The following FCHO2 variants were observed in gnomAD, a reference collection of about 807,000 sequenced individuals.
FCHO2 encodes the protein F-BAR domain only protein 2.
In FCHO2, 43 loss-of-function variants were observed where a neutral mutation model predicts 114.1. That is an observed-to-expected ratio of 0.38 (90% CI 0.30 to 0.49). The LOEUF (loss-of-function observed/expected upper bound fraction) is 0.49. FCHO2 is among the 20% of genes least tolerant of loss of function. The probability of loss-of-function intolerance (pLI) is 0.97; values close to 1 mark genes in which losing one functional copy is unlikely to be tolerated. For missense variants in FCHO2, 807 were observed against 950.4 expected (o/e 0.85, Z 1.98); for synonymous variants, 293 against 315.2 (o/e 0.93, Z 0.75).
In FCHO2 at chr5:73,027,327, A is replaced by G. The variant is rs559665408; in HGVS notation, c.797-7330A>G. On this transcript the variant is annotated intron_variant, in intron 8 of 25. Transcript: ENST00000430046. ...AAAAGTTCAGCAGGTTTCCATTTAT[A>G]TATATACATATAGTGACTATTTTCT... Among the ~76,000 whole-genome samples, 6 of 149,448 alleles carry G rather than the reference A, an allele frequency of 4.0e-5. No individual in the cohort carries two copies. In the South Asian group the frequency reaches 1.0e-3, roughly 26 times the overall value.
At chr5:72,983,444 G>A (rs1753338598) in intron 2 of FCHO2, among the ~76,000 whole-genome samples, 1 of 151,548 alleles carries the variant, frequency 6.6e-6, no homozygotes, top group African/African-American at 2.4e-5. Flanking sequence ...GTGCAGTGCA[G>A]CCTCCACGTC....
intron 13 of FCHO2, among the ~76,000 whole-genome samples, chr5:73,053,271 C>T (rs911465823): frequency 6.6e-6 from 1 of 152,152 alleles, no homozygotes; most frequent in African/African-American, 2.4e-5. Flanking sequence ...GGTTTTCTCC[C>T]AGTCATGTAC....
intron 8 of FCHO2, among the ~76,000 whole-genome samples, chr5:73,030,882 G>C (rs1285939176): frequency 6.6e-6 from 1 of 152,200 alleles, no homozygotes; most frequent in Non-Finnish European, 1.5e-5. Flanking sequence ...ACATACTCCT[G>C]AAGTGAAGTG....
chr5:73,084,974 G>A (rs1254543438), intron 24 of FCHO2, among the ~76,000 whole-genome samples: 1 of 152,186 alleles, frequency 6.6e-6, no homozygotes, highest in Non-Finnish European at 1.5e-5. Context: ...AACCAGTTTA[G>A]AAGGACAAAA....
intron 11 of FCHO2, among the ~76,000 whole-genome samples, chr5:73,041,899 TAGAC>T: frequency 6.6e-6 from 1 of 152,242 alleles, no homozygotes; most frequent in South Asian, 2.1e-4. Flanking sequence ...AAGTAATGTG[TAGAC>T]AGACATATTT....
At chr5:73,065,861 A>G (rs756267785) in intron 18 of FCHO2, among the ~76,000 whole-genome samples, 1 of 151,924 alleles carries the variant, frequency 6.6e-6, no homozygotes, top group African/African-American at 2.4e-5. Flanking sequence ...ATTGTACCCA[A>G]CAGGTAATTT....
chr5:73,081,639 A>G (rs780741879), intron 22 of FCHO2, 144 bp from the exon 23 acceptor site: 3 of 491,420 alleles, frequency 6.1e-6, no homozygotes, highest in Non-Finnish European at 1.0e-5. Context: ...CCTTTGAGAT[A>G]GGTCTGCTTC....
At position 73,051,359 on chromosome 5, in the gene FCHO2, A is replaced by C; in HGVS notation, c.950A>C (p.Asp317Ala). Reference protein sequence around the residue: ...CPDADSLNIPDVDEEGYSIKP... With the variant: ...CPDADSLNIPAVDEEGYSIKP... ...TTCTTTTTCCCTTAGAACATTCCTG[A>C]TGTAGATGAAGAAGGCTACAGTATT... is the stretch of plus-strand genomic sequence containing the variant. The change falls in exon 12 of 26, where the codon GAT becomes GCT. Residue 317 changes from aspartate (D) to alanine (A), a missense_variant. By Grantham distance (126) the Asp-to-Ala change is moderately radical. Coordinates refer to ENST00000430046, the MANE Select transcript of FCHO2 (RefSeq NM_138782.3). 1 of 1,529,622 alleles carries C rather than the reference A, an allele frequency of 6.5e-7. No homozygotes were observed. Among genetic ancestry groups the C allele is most frequent in the Non-Finnish European group, 8.8e-7 (1 of 1,130,580 alleles). The allele number at this position is 1,529,622 out of a possible 1,614,324, so 94.8% of individuals were successfully genotyped here. A position where few individuals can be genotyped will look rare whatever the true frequency, so the allele number is the denominator to read the frequency against.
chr5:73,054,291 TA>T, intron 14 of FCHO2, 120 bp downstream of exon 14: 2 of 968,370 alleles, frequency 2.1e-6, no homozygotes, highest in East Asian at 5.3e-5. Flanking sequence ...TGTTTTGTTG[TA>T]GATGTTGCTT....
At chr5:73,019,522 CAG>C (rs1406894214) in intron 8 of FCHO2, among the ~76,000 whole-genome samples, 1 of 152,166 alleles carries the variant, frequency 6.6e-6, no homozygotes, top group African/African-American at 2.4e-5. Flanking sequence ...GCCTGGGTGA[CAG>C]AGTAAGACTC....
chr5:73,032,800 G>A (rs1756304159), intron 8 of FCHO2, among the ~76,000 whole-genome samples: 1 of 152,128 alleles, frequency 6.6e-6, no homozygotes, highest in African/African-American at 2.4e-5. Flanking sequence ...AGCTGTAGGA[G>A]AATTTTTGAC....
At chr5:73,077,192 C>A in intron 20 of FCHO2, 146 bp from the exon 21 acceptor site, 2 of 512,298 alleles carry the variant, frequency 3.9e-6, no homozygotes, top group East Asian at 3.4e-5. Flanking sequence ...AAAAAATAAT[C>A]TATAGTTATG....
intron 5 of FCHO2, among the ~76,000 whole-genome samples, chr5:73,000,829 A>G (rs1754393792): frequency 6.6e-6 from 1 of 151,980 alleles, no homozygotes; most frequent in African/African-American, 2.4e-5. Flanking sequence ...GCTGGTCTCA[A>G]ATTCCTAGTC....
At chr5:73,042,323 T>G (rs1006260017) in intron 11 of FCHO2, among the ~76,000 whole-genome samples, 7 of 152,198 alleles carry the variant, frequency 4.6e-5, no homozygotes, top group Non-Finnish European at 8.8e-5. Flanking sequence ...CAGATGTGTT[T>G]GGCATTAACT....
chr5:73,064,310 G>A (rs1191531718), intron 18 of FCHO2, among the ~76,000 whole-genome samples: 1 of 152,020 alleles, frequency 6.6e-6, no homozygotes, highest in Non-Finnish European at 1.5e-5. Flanking sequence ...ACTGCAAGGA[G>A]GATTATGGAA....
At chr5:72,967,371 C>T (rs146843775) in intron 1 of FCHO2, among the ~76,000 whole-genome samples, 3 of 152,316 alleles carry the variant, frequency 2.0e-5, no homozygotes, top group African/African-American at 7.2e-5. Context: ...TATTTTCTCC[C>T]TTCTCAGGTT....
At chr5:73,032,981 TAATTTGCACATCTC>T (rs1756313351) in intron 8 of FCHO2, among the ~76,000 whole-genome samples, 1 of 152,228 alleles carries the variant, frequency 6.6e-6, no homozygotes, top group Non-Finnish European at 1.5e-5. Flanking sequence ...GAAAAGTTGC[TAATTTGCACATCTC>T]AATTTCTTTA....
At chr5:73,063,782 A>G in intron 17 of FCHO2, 59 bp from the exon 18 acceptor site, 1 of 1,444,148 alleles carries the variant, frequency 6.9e-7, no homozygotes, top group Admixed American at 1.9e-5. Flanking sequence ...GAATGTCTTT[A>G]TGTAAGGATT....
chr5:72,996,954 C>G, intron 5 of FCHO2: 4 of 1,606,546 alleles, frequency 2.5e-6, no homozygotes, highest in Non-Finnish European at 3.4e-6. Flanking sequence ...GGGCTGCGCA[C>G]GTTCGTGGCC....
Sources: gnomAD v4.1 joint callset for allele counts (sites outside exome capture counted in the v4.1 genomes callset) on GRCh38, gnomAD v4.1.1 for gene constraint, MANE v1.5 for transcripts, NCBI Gene and HGNC (gene_info 2026-07-23, HGNC 2026-07-21) for gene names.